TMEM132C: variants seen among roughly 807,000 people sequenced by gnomAD.
TMEM132C encodes protein phosphatase 1, regulatory subunit 152.
In TMEM132C, 29 loss-of-function variants were observed where a neutral mutation model predicts 61.4. The observed-to-expected ratio is 0.47, with a 90% CI of 0.35 to 0.64. The LOEUF is 0.64. Among genes scored for constraint, TMEM132C ranks in the 30% least tolerant of loss-of-function variants. The pLI is 0.00. For missense variants in TMEM132C, 1,408 were observed against 1,476.9 expected (o/e 0.95, Z 0.76); for synonymous variants, 656 against 633.1 (o/e 1.04, Z -0.54).
At position 128,622,361 on chromosome 12, in the gene TMEM132C, ATATATATATATATATATATATAT is replaced by A. The variant is rs1434850712; in HGVS notation, c.1305+6027_1305+6049del. Among the ~76,000 whole-genome samples the A allele has an allele frequency of 1.2e-3, 46 of 38,174 alleles. 3 individuals are homozygous for A. Among genetic ancestry groups the A allele is most frequent in the Non-Finnish European group, 1.8e-3 (38 of 20,852 alleles). 25.0% of individuals were successfully genotyped at this position (38,174 alleles called of 152,430 possible). ...TTTGTCTCAAAAAAAAAAAAAAAAAATATATATATATATATATATATATATATATATATATATATAACCAGGAA... is the reference window on the plus strand; with the variant it reads ...TTTGTCTCAAAAAAAAAAAAAAAAAAATATATATATATATATAACCAGGAA... On this transcript the variant is annotated intron_variant, in intron 4 of 8. Transcript: ENST00000435159.
At chr12:128,593,042 T>C in intron 3 of TMEM132C, among the ~76,000 whole-genome samples, 1 of 147,608 alleles carries the variant, frequency 6.8e-6, no homozygotes, top group Non-Finnish European at 1.5e-5. Context: ...TCTTCCTTTC[T>C]TTTCTCTCTG....
chr12:128,513,829 A>G (rs537439254), intron 2 of TMEM132C, among the ~76,000 whole-genome samples: 78 of 152,342 alleles, frequency 5.1e-4, no homozygotes, highest in African/African-American at 1.8e-3. Context: ...TCAGCAGGGT[A>G]TGGTCCAGGA....
chr12:128,537,110 A>G (rs2136141494), intron 2 of TMEM132C, among the ~76,000 whole-genome samples: 1 of 152,330 alleles, frequency 6.6e-6, no homozygotes, highest in Middle Eastern at 3.4e-3. Flanking sequence ...CCATGTGCAA[A>G]AGATGACAGG....
intron 4 of TMEM132C, among the ~76,000 whole-genome samples, chr12:128,627,293 C>T (rs1056966721): frequency 3.9e-5 from 6 of 152,206 alleles, no homozygotes; most frequent in Admixed American, 1.3e-4. Flanking sequence ...CTCCCCTCCC[C>T]GCTGAAATCT....
chr12:128,321,881 C>T (rs995709971), intron 1 of TMEM132C, among the ~76,000 whole-genome samples: 3 of 152,162 alleles, frequency 2.0e-5, no homozygotes, highest in Non-Finnish European at 4.4e-5. Context: ...TGCCTAACTC[C>T]AATGAGACTG....
chr12:128,414,811 C>G lies in TMEM132C; in HGVS notation c.165C>G (p.Ile55Met), dbSNP rs961629063. 8 of 1,543,986 alleles carry G rather than the reference C, an allele frequency of 5.2e-6. No homozygotes were observed. In the Admixed American group the frequency reaches 1.2e-4, roughly 23 times the overall value. ...LPPYLPVSYH[I>M]LRAETSFFLK... is the part of the protein sequence containing the mutation. Reference sequence around the variant, plus strand: ...CTTACCTACCTGTGAGCTACCACATCCTCAGAGCAGAGACCTCCTTCTTCC... The same window carrying G: ...CTTACCTACCTGTGAGCTACCACATGCTCAGAGCAGAGACCTCCTTCTTCC... Residue 55 changes from isoleucine to methionine, a missense_variant, in exon 2 of 9, where the codon ATC becomes ATG. By Grantham distance (10) the Ile-to-Met change is conservative (BLOSUM62 1). Transcript: ENST00000435159.
chr12:128,561,184 T>C (rs979457512), intron 3 of TMEM132C, among the ~76,000 whole-genome samples: 10 of 152,268 alleles, frequency 6.6e-5, no homozygotes, highest in African/African-American at 2.4e-4. Flanking sequence ...AAAGTTTTTA[T>C]GTCAATGTTG....
At chr12:128,589,189 G>A (rs781608415) in intron 3 of TMEM132C, among the ~76,000 whole-genome samples, 2 of 152,152 alleles carry the variant, frequency 1.3e-5, no homozygotes, top group East Asian at 1.9e-4. Context: ...CAGCTCTCCC[G>A]ATGCAGGACA....
chr12:128,660,744 G>A (rs919798899), intron 4 of TMEM132C, among the ~76,000 whole-genome samples: 1 of 152,190 alleles, frequency 6.6e-6, no homozygotes, highest in Non-Finnish European at 1.5e-5. Flanking sequence ...GGGCTCTCAG[G>A]TCTCTGCAGT....
At position 128,429,655 on chromosome 12, in the gene TMEM132C, C is replaced by G. The variant is rs143834438; in HGVS notation, c.974+14035C>G. ...GGAGCAAGGAGCTAACCTAGTTAGCCTATACTTTGTAATAAGTATATCTTA... is the reference window on the plus strand; with the variant it reads ...GGAGCAAGGAGCTAACCTAGTTAGCGTATACTTTGTAATAAGTATATCTTA... On this transcript the variant is annotated intron_variant, in intron 2 of 8. Transcript: ENST00000435159. Among the ~76,000 whole-genome samples the G allele has an allele frequency of 5.1e-3, 777 of 152,170 alleles. 7 individuals carry two copies. Among genetic ancestry groups the G allele is most frequent in the African/African-American group, 0.017 (704 of 41,502 alleles).
chr12:128,641,993 G>T (rs1352742143), intron 4 of TMEM132C, among the ~76,000 whole-genome samples: 1 of 141,680 alleles, frequency 7.1e-6, no homozygotes, highest in Middle Eastern at 4.2e-3. Flanking sequence ...ATTTTTAGTA[G>T]AGATGGGGTT....
At chr12:128,394,907 C>CAAAAAAAAA (rs59086773) in intron 1 of TMEM132C, among the ~76,000 whole-genome samples, 6 of 132,304 alleles carry the variant, frequency 4.5e-5, no homozygotes, top group Admixed American at 7.8e-5. Context: ...CCTTATTTTC[C>CAAAAAAAAA]AAAAAAAAAA....
chr12:128,511,925 G>A (rs980735080), intron 2 of TMEM132C, among the ~76,000 whole-genome samples: 1 of 152,072 alleles, frequency 6.6e-6, no homozygotes, highest in Non-Finnish European at 1.5e-5. Flanking sequence ...CTGTCCTTTG[G>A]GTCACTGTCC....
intron 4 of TMEM132C, among the ~76,000 whole-genome samples, chr12:128,656,079 C>T (rs1954323067): frequency 6.6e-6 from 1 of 152,170 alleles, no homozygotes; most frequent in Non-Finnish European, 1.5e-5. Context: ...GAGAAGGAGT[C>T]TCGCTCTGTC....
chr12:128,657,870 G>A (rs1954342545), intron 4 of TMEM132C, among the ~76,000 whole-genome samples: 1 of 152,236 alleles, frequency 6.6e-6, no homozygotes, highest in Non-Finnish European at 1.5e-5. Context: ...ATGGGGTTGG[G>A]GTGGTGGAGT....
intron 1 of TMEM132C, among the ~76,000 whole-genome samples, chr12:128,274,821 G>A (rs989252243): frequency 6.6e-6 from 1 of 152,212 alleles, no homozygotes; most frequent in Admixed American, 6.5e-5. Flanking sequence ...CTTTGGTAGG[G>A]ATGGAGTAGG....
chr12:128,434,769 A>AT (rs938144140), intron 2 of TMEM132C, among the ~76,000 whole-genome samples: 4 of 150,894 alleles, frequency 2.7e-5, no homozygotes, highest in Non-Finnish European at 4.4e-5. Context: ...TGCCCGGCTA[A>AT]TTTTTTTTTA....
chr12:128,514,382 C>T (rs1188434662), intron 2 of TMEM132C, among the ~76,000 whole-genome samples: 1 of 152,160 alleles, frequency 6.6e-6, no homozygotes, highest in South Asian at 2.1e-4. Flanking sequence ...ATTATTCTCT[C>T]CACTTTAAAA....
intron 1 of TMEM132C, among the ~76,000 whole-genome samples, chr12:128,358,910 T>G (rs1047399079): frequency 3.3e-5 from 5 of 152,196 alleles, no homozygotes; most frequent in Non-Finnish European, 7.3e-5. Flanking sequence ...CTCACCCTGG[T>G]ACCAGTCACA....
Sources: allele counts gnomAD v4.1 joint callset (sites outside exome capture counted in the v4.1 genomes callset), GRCh38; gene constraint gnomAD v4.1.1; transcripts MANE v1.5; gene names NCBI Gene and HGNC (gene_info 2026-07-23, HGNC 2026-07-21).